The following MBOAT1 variants were observed in gnomAD, a reference collection of about 807,000 sequenced individuals.
MBOAT1 encodes the protein membrane-bound glycerophospholipid O-acyltransferase 1.
A neutral mutation model predicts 64.4 loss-of-function variants in MBOAT1; 67 were observed. The observed-to-expected ratio is 1.04, with a 90% confidence interval of 0.85 to 1.27. MBOAT1 has a LOEUF of 1.27. Among genes scored for constraint, MBOAT1 ranks in the 50% most tolerant of loss-of-function variants. MBOAT1 has a pLI of 0.00. For missense variants in MBOAT1, 563 were observed against 604.6 expected (o/e 0.93, Z 0.72); for synonymous variants, 229 against 218.9 (o/e 1.05, Z -0.41).
At chr6:20,181,591 C>T (rs2113742205) in intron 1 of MBOAT1, among the ~76,000 whole-genome samples, 1 of 152,304 alleles carries the variant, frequency 6.6e-6, no homozygotes, top group East Asian at 1.9e-4. Flanking sequence ...ACTGTGCTTA[C>T]AAAAATGGCA....
chr6:20,204,082 G>A (rs1763192599), intron 1 of MBOAT1, among the ~76,000 whole-genome samples: 1 of 152,096 alleles, frequency 6.6e-6, no homozygotes, highest in Non-Finnish European at 1.5e-5. Flanking sequence ...TTTCTTCTTT[G>A]ATAATGATCA....
At chr6:20,141,609 A>C (rs1323936368) in intron 4 of MBOAT1, among the ~76,000 whole-genome samples, 1 of 152,022 alleles carries the variant, frequency 6.6e-6, no homozygotes, top group Non-Finnish European at 1.5e-5. Flanking sequence ...TCCTGAGCTC[A>C]AGCGATCCTC....
chr6:20,152,647 A>C lies in MBOAT1; in HGVS notation c.222T>G (p.Tyr74Ter). The change falls in exon 2 of 13, where the codon TAT becomes TAG. Residue 74 changes from tyrosine to a stop codon, truncating the protein, a stop_gained. Coordinates refer to ENST00000324607, the MANE Select transcript of MBOAT1 (RefSeq NM_001080480.3). LOFTEE classifies it high-confidence loss of function. Reference protein sequence around the residue: ...RHAVATIFGIYFVIFCFGWYS... With the variant: ...RHAVATIFGI The stretch of plus-strand genomic sequence containing the variant: ...ACCAGCCGAAACAAAAGATGACAAA[A>C]TAGATGCCAAAAATGGTGGCAACCG... The C allele has an allele frequency of 6.2e-7, 1 of 1,610,906 alleles. No individual in the cohort carries two copies. The highest frequency in any genetic ancestry group is 8.5e-7 in the Non-Finnish European group (1 of 1,177,970).
At chr6:20,162,917 C>A (rs1476229289) in intron 1 of MBOAT1, among the ~76,000 whole-genome samples, 2 of 152,230 alleles carry the variant, frequency 1.3e-5, no homozygotes, top group African/African-American at 4.8e-5. Context: ...CCTCCAGTCC[C>A]TCTAGAATGG....
chr6:20,192,069 C>T (rs1561783326), intron 1 of MBOAT1, among the ~76,000 whole-genome samples: 1 of 152,196 alleles, frequency 6.6e-6, no homozygotes, highest in South Asian at 2.1e-4. Flanking sequence ...ACAGATGAAG[C>T]CACTCAAGTG....
intron 1 of MBOAT1, among the ~76,000 whole-genome samples, chr6:20,167,134 C>T (rs551061599): frequency 3.3e-5 from 5 of 152,042 alleles, no homozygotes; most frequent in Non-Finnish European, 7.4e-5. Context: ...CTATTAGTTG[C>T]CCGAAACTCC....
At chr6:20,115,979 C>T (rs566123145) in intron 9 of MBOAT1, among the ~76,000 whole-genome samples, 16 of 138,852 alleles carry the variant, frequency 1.2e-4, no homozygotes, top group Non-Finnish European at 2.0e-4. Flanking sequence ...AACCCATTAC[C>T]TGGGTTTTCT....
intron 12 of MBOAT1, among the ~76,000 whole-genome samples, chr6:20,109,149 AG>A (rs759109522): frequency 2.8e-4 from 42 of 152,104 alleles, no homozygotes; most frequent in Non-Finnish European, 5.0e-4. Context: ...CAGCCTCACC[AG>A]GGAGTCCTTC....
chr6:20,134,549 TTG>T (rs1268559570), intron 4 of MBOAT1, among the ~76,000 whole-genome samples: 2 of 152,166 alleles, frequency 1.3e-5, no homozygotes, highest in African/African-American at 4.8e-5. Context: ...GACAGTGAGT[TTG>T]TAAAACACAA....
At chr6:20,110,256 A>C (rs1360970474) in intron 11 of MBOAT1, among the ~76,000 whole-genome samples, 13 of 145,614 alleles carry the variant, frequency 8.9e-5, no homozygotes, top group African/African-American at 3.1e-4. Context: ...TCTGCCACCC[A>C]GGCTGAAGTG....
intron 5 of MBOAT1, among the ~76,000 whole-genome samples, chr6:20,130,267 C>A (rs1378065022): frequency 1.3e-5 from 2 of 152,206 alleles, no homozygotes; most frequent in Non-Finnish European, 2.9e-5. Flanking sequence ...GTAAATCACA[C>A]TTTCTGGCCA....
chr6:20,129,651 T>A (rs1202954987), intron 5 of MBOAT1, among the ~76,000 whole-genome samples: 1 of 152,080 alleles, frequency 6.6e-6, no homozygotes, highest in Non-Finnish European at 1.5e-5. Context: ...AAAGTAAATT[T>A]AGGCAACGAA....
chr6:20,143,107 G>T (rs1452267242), intron 4 of MBOAT1, among the ~76,000 whole-genome samples: 1 of 152,172 alleles, frequency 6.6e-6, no homozygotes, highest in African/African-American at 2.4e-5. Context: ...AACCTGACTG[G>T]GGAGCTTGGG....
chr6:20,169,257 C>G (rs1762123687), intron 1 of MBOAT1, among the ~76,000 whole-genome samples: 1 of 152,150 alleles, frequency 6.6e-6, no homozygotes, highest in Non-Finnish European at 1.5e-5. Context: ...GGCCAATTAT[C>G]TCAGAGTGGG....
At chr6:20,207,871 A>G (rs944484842) in intron 1 of MBOAT1, among the ~76,000 whole-genome samples, 1 of 152,250 alleles carries the variant, frequency 6.6e-6, no homozygotes, top group African/African-American at 2.4e-5. Context: ...GTCTGTGAGC[A>G]TACACAGCCT....
At chr6:20,106,639 G>T (rs1450720287) in intron 12 of MBOAT1, among the ~76,000 whole-genome samples, 1 of 152,158 alleles carries the variant, frequency 6.6e-6, no homozygotes, top group African/African-American at 2.4e-5. Flanking sequence ...GGCCAGGCTG[G>T]TCTCAAACTC....
At chr6:20,144,604 A>G (rs1561761260) in intron 3 of MBOAT1, among the ~76,000 whole-genome samples, 1 of 152,204 alleles carries the variant, frequency 6.6e-6, no homozygotes, top group Non-Finnish European at 1.5e-5. Context: ...AATTCCTGCC[A>G]CACCTGGTAG....
intron 1 of MBOAT1, among the ~76,000 whole-genome samples, chr6:20,167,203 G>GT (rs1354509267): frequency 1.3e-5 from 2 of 152,088 alleles, no homozygotes; most frequent in African/African-American, 2.4e-5. Flanking sequence ...GTTATTTTCA[G>GT]TTTTTTTGCT....
intron 1 of MBOAT1, among the ~76,000 whole-genome samples, chr6:20,198,461 C>A (rs1763025736): frequency 6.6e-6 from 1 of 152,178 alleles, no homozygotes; most frequent in African/African-American, 2.4e-5. Flanking sequence ...AAATGAGATG[C>A]ATTAGTGGCC....
Sources: allele counts gnomAD v4.1 joint callset (sites outside exome capture counted in the v4.1 genomes callset), GRCh38; gene constraint gnomAD v4.1.1; transcripts MANE v1.5; gene names NCBI Gene and HGNC (gene_info 2026-07-23, HGNC 2026-07-21).